ANKS1B: variants seen among roughly 807,000 people sequenced by gnomAD.
The protein encoded by ANKS1B is ankyrin repeat and sterile alpha motif domain containing 1B, also known as ankyrin repeat and sterile alpha motif domain-containing protein 1B.
Under a neutral mutation model 148.3 loss-of-function variants are expected in ANKS1B, and 36 were observed. That is an observed-to-expected ratio of 0.24 (90% CI 0.19 to 0.32). ANKS1B has a LOEUF of 0.32. ANKS1B is among the 10% of genes least tolerant of loss of function. The probability of loss-of-function intolerance (pLI) is 1.00; values close to 1 mark genes in which losing one functional copy is unlikely to be tolerated. For missense variants in ANKS1B, 1,157 were observed against 1,542.6 expected, an observed-to-expected ratio of 0.75 and a Z score of 4.19; for synonymous variants, 542 against 560.8, an observed-to-expected ratio of 0.97 and a Z score of 0.47.
Position 99,935,268 on chromosome 12 carries a change from T to A in ANKS1B, c.134+48836A>T, listed in dbSNP as rs557628198. Among the ~76,000 whole-genome samples, 43 of 150,946 alleles carry A rather than the reference T, an allele frequency of 2.8e-4. No individual in the cohort carries two copies. In the South Asian group the frequency reaches 7.3e-3, roughly 26 times the overall value. ...AGAACACCTGACTATAGCCACAAAGTTGGGAAGGGATGGGGCGTGTTTAGA... is the reference window on the plus strand; with the variant it reads ...AGAACACCTGACTATAGCCACAAAGATGGGAAGGGATGGGGCGTGTTTAGA... On this transcript the variant is annotated intron_variant, in intron 1 of 26. Coordinates refer to ENST00000683438, the MANE Select transcript of ANKS1B (RefSeq NM_001352186.2).
intron 11 of ANKS1B, among the ~76,000 whole-genome samples, chr12:99,439,486 A>T (rs2095514666): frequency 6.6e-6 from 1 of 151,384 alleles, no homozygotes; most frequent in Non-Finnish European, 1.5e-5. Context: ...GAACACCCCT[A>T]AAAAAAAGAG....
intron 14 of ANKS1B, among the ~76,000 whole-genome samples, chr12:99,206,989 G>C (rs2082749272): frequency 6.6e-6 from 1 of 152,162 alleles, no homozygotes; most frequent in Admixed American, 6.6e-5. Flanking sequence ...TGTCTAGGGT[G>C]AATGGACTCT....
At chr12:99,720,875 C>G (rs1007480678) in intron 8 of ANKS1B, among the ~76,000 whole-genome samples, 1 of 152,184 alleles carries the variant, frequency 6.6e-6, no homozygotes, top group Non-Finnish European at 1.5e-5. Context: ...CAAGTCATCA[C>G]AGCCAATATC....
At chr12:99,603,729 T>C (rs1225959158) in intron 9 of ANKS1B, among the ~76,000 whole-genome samples, 6 of 152,112 alleles carry the variant, frequency 3.9e-5, no homozygotes, top group African/African-American at 9.7e-5. Context: ...CAAATTGTTA[T>C]AAGCTATAGA....
intron 1 of ANKS1B, among the ~76,000 whole-genome samples, chr12:99,866,968 G>A (rs2153723913): frequency 6.6e-6 from 1 of 152,240 alleles, no homozygotes; most frequent in South Asian, 2.1e-4. Flanking sequence ...AACTGTGTAT[G>A]TCCGGTAATC....
chr12:99,564,580 C>T (rs756951997), intron 9 of ANKS1B, among the ~76,000 whole-genome samples: 1 of 151,736 alleles, frequency 6.6e-6, no homozygotes, highest in Non-Finnish European at 1.5e-5. Flanking sequence ...GTACCAGATA[C>T]ACATTACTTC....
At chr12:98,900,042 A>G (rs1000323771) in intron 17 of ANKS1B, among the ~76,000 whole-genome samples, 4 of 152,198 alleles carry the variant, frequency 2.6e-5, no homozygotes, top group Admixed American at 2.6e-4. Flanking sequence ...ATGTAGGGGA[A>G]TTATGCAAAT....
intron 15 of ANKS1B, among the ~76,000 whole-genome samples, chr12:99,130,128 T>C (rs1214673867): frequency 6.6e-6 from 1 of 152,232 alleles, no homozygotes; most frequent in African/African-American, 2.4e-5. Flanking sequence ...CCATTTGCCA[T>C]GGTACAATGT....
chr12:98,794,451 G>A (rs1033891663), intron 22 of ANKS1B: 3 of 285,816 alleles, frequency 1.0e-5, no homozygotes, highest in African/African-American at 6.8e-5. Flanking sequence ...GGCAAGCTTG[G>A]CGTTTGGTCG....
intron 1 of ANKS1B, among the ~76,000 whole-genome samples, chr12:99,899,929 C>T (rs1285537264): frequency 3.3e-5 from 5 of 151,278 alleles, no homozygotes; most frequent in Admixed American, 2.0e-4. Context: ...GATGGAATCT[C>T]GCTTTGTCGC....
chr12:99,386,915 C>T (rs999338781), intron 12 of ANKS1B, among the ~76,000 whole-genome samples: 5 of 152,184 alleles, frequency 3.3e-5, no homozygotes, highest in African/African-American at 1.2e-4. Context: ...GCAATAGGCA[C>T]ATAGGTGGCA....
At chr12:99,238,074 C>A (rs531321421) in intron 14 of ANKS1B, among the ~76,000 whole-genome samples, 1 of 152,204 alleles carries the variant, frequency 6.6e-6, no homozygotes, top group Non-Finnish European at 1.5e-5. Flanking sequence ...CCACAGAGGG[C>A]GAGCTGAAGC....
intron 17 of ANKS1B, among the ~76,000 whole-genome samples, chr12:98,877,675 G>C (rs916927619): frequency 2.0e-5 from 3 of 152,194 alleles, no homozygotes; most frequent in African/African-American, 4.8e-5. Flanking sequence ...AAGAATTCCA[G>C]TTCTGAAAGA....
chr12:98,857,682 T>C (rs2152076057), intron 17 of ANKS1B, among the ~76,000 whole-genome samples: 1 of 152,200 alleles, frequency 6.6e-6, no homozygotes, highest in South Asian at 2.1e-4. Flanking sequence ...TGAAGGTGGC[T>C]AGGGTAGAGG....
At chr12:99,377,841 T>C (rs1478202674) in intron 12 of ANKS1B, among the ~76,000 whole-genome samples, 1 of 152,186 alleles carries the variant, frequency 6.6e-6, no homozygotes, top group Non-Finnish European at 1.5e-5. Context: ...AAATTTCCCA[T>C]TAAGAAATAC....
rs892708032 is a variant in ANKS1B at position 99,635,706 on chromosome 12, C to T, written c.1272+19361G>A. ...GACAATAACATGAATACAATTACCA[C>T]TATTGAACTGTACACTTTAAAAATA... On this transcript the variant is annotated intron_variant, in intron 9 of 26. Transcript: ENST00000683438. Among the ~76,000 whole-genome samples the T allele has an allele frequency of 2.6e-5, 4 of 152,018 alleles. No individual in the cohort carries two copies. In the East Asian group the frequency reaches 5.8e-4, roughly 22 times the overall value.
rs2095751020 is a variant in ANKS1B at position 99,984,296 on chromosome 12, A to AC, written c.-60dup. ...CCCCCTCGGGTCCTCCTCCCCACCC[A>AC]CCCCCACTCCCCAAAATCCAGGGCC... On this transcript the variant is annotated 5_prime_UTR_variant, in exon 1 of 27. Coordinates refer to ENST00000683438, the MANE Select transcript of ANKS1B (RefSeq NM_001352186.2). 1 of 706,494 alleles carries AC rather than the reference A, an allele frequency of 1.4e-6. No individual in the cohort carries two copies. 43.8% of individuals were successfully genotyped at this position (706,494 alleles called of 1,614,324 possible). A position where few individuals can be genotyped will look rare whatever the true frequency, so the allele number is the denominator to read the frequency against.
intron 12 of ANKS1B, among the ~76,000 whole-genome samples, chr12:99,336,410 T>C (rs1389299163): frequency 6.6e-6 from 1 of 152,180 alleles, no homozygotes; most frequent in Non-Finnish European, 1.5e-5. Flanking sequence ...GGCTTGCTGG[T>C]GCTTGTGGGG....
intron 12 of ANKS1B, among the ~76,000 whole-genome samples, chr12:99,251,811 AT>A (rs1201465174): frequency 2.6e-5 from 4 of 152,118 alleles, no homozygotes; most frequent in African/African-American, 9.7e-5. Context: ...GAAAATAAAA[AT>A]TTTTCCTATT....
Sources: allele counts gnomAD v4.1 joint callset (sites outside exome capture counted in the v4.1 genomes callset), GRCh38; gene constraint gnomAD v4.1.1; transcripts MANE v1.5; gene names NCBI Gene and HGNC (gene_info 2026-07-23, HGNC 2026-07-21).